SYNE1: variants seen among roughly 807,000 people sequenced by gnomAD.
SYNE1 encodes nesprin-1.
In SYNE1, 616 loss-of-function variants were observed where a neutral mutation model predicts 1,111.0. That is an observed-to-expected ratio of 0.55 (90% CI 0.52 to 0.59). The LOEUF (loss-of-function observed/expected upper bound fraction) is 0.59. Among genes scored for constraint, SYNE1 ranks in the 20% least tolerant of loss-of-function variants. The pLI is 0.00. For missense variants in SYNE1, 10,006 were observed against 10,417.0 expected (o/e 0.96, Z 1.72); for synonymous variants, 3,855 against 3,825.8 (o/e 1.01, Z -0.28).
rs764356256 is a variant in SYNE1 at position 152,451,190 on chromosome 6, C to A, written c.3043G>T (p.Ala1015Ser). The A allele has an allele frequency of 6.2e-7, 1 of 1,613,908 alleles. No individual in the cohort carries two copies. Among genetic ancestry groups the A allele is most frequent in the East Asian group, 2.2e-5 (1 of 44,860 alleles). ...TTCAGATGAAGCAAATGATAAGGGG[C>A]TTCTCCTTGAAGATCCTACATTCCA... ...HKQWKDLQGE[A>S]PYHLLHLKID... Residue 1015 changes from alanine (A) to serine (S), a missense_variant, in exon 26 of 146, where the codon GCC becomes TCC. Coordinates refer to ENST00000367255, the MANE Select transcript of SYNE1 (RefSeq NM_182961.4).
chr6:152,421,718 T>TA (rs1371915143), intron 39 of SYNE1, among the ~76,000 whole-genome samples: 1 of 148,282 alleles, frequency 6.7e-6, no homozygotes, highest in Non-Finnish European at 1.5e-5. Context: ...TTTATTTATT[T>TA]TTTGGAGATG....
At chr6:152,448,694 T>C (rs1347072035) in intron 28 of SYNE1, among the ~76,000 whole-genome samples, 1 of 151,998 alleles carries the variant, frequency 6.6e-6, no homozygotes, top group Non-Finnish European at 1.5e-5. Context: ...ATACAAACAT[T>C]AGCCAGGCAT....
chr6:152,268,283 T>C, intron 99 of SYNE1, 118 bp from the exon 100 acceptor site: 1 of 771,846 alleles, frequency 1.3e-6, no homozygotes, highest in East Asian at 2.6e-5. Context: ...TAAGTTTGCA[T>C]ATTGCATAAA....
chr6:152,442,751 T>C (rs1279936003), intron 30 of SYNE1, among the ~76,000 whole-genome samples: 1 of 152,108 alleles, frequency 6.6e-6, no homozygotes, highest in African/African-American at 2.4e-5. Flanking sequence ...CTTGGAACAG[T>C]CTGGGCAACA....
intron 70 of SYNE1, among the ~76,000 whole-genome samples, chr6:152,351,399 A>G (rs1453227844): frequency 6.6e-6 from 1 of 152,226 alleles, no homozygotes; most frequent in East Asian, 1.9e-4. Flanking sequence ...TAATCCTTAA[A>G]AGGTATCACT....
In SYNE1 at chr6:152,605,194, T is replaced by C. The variant is rs369602481; in HGVS notation, c.67+23071A>G. 3.3e-5 allele frequency among the ~76,000 whole-genome samples: 5 copies of C among 152,070 alleles called. No individual in the cohort carries two copies. In the East Asian group the frequency reaches 9.7e-4, roughly 29 times the overall value. ...AGAATTCTAAAAAATAACAACTATA[T>C]TTTATAAAGAATATCTCTGCTTAAA... On this transcript the variant is annotated intron_variant, in intron 3 of 145. Transcript: ENST00000367255.
intron 72 of SYNE1, among the ~76,000 whole-genome samples, chr6:152,349,739 G>C (rs1324770975): frequency 1.3e-5 from 2 of 152,194 alleles, no homozygotes; most frequent in Non-Finnish European, 2.9e-5. Context: ...ACGTGTTGTA[G>C]AAGGGACCTG....
Position 152,319,032 on chromosome 6 carries a change from G to C in SYNE1, c.16237-17C>G. The C allele has an allele frequency of 6.2e-7, 1 of 1,613,692 alleles. No homozygotes were observed. The highest frequency in any genetic ancestry group is 8.5e-7 in the Non-Finnish European group (1 of 1,179,890). ...GTCTTGGATCTAAAAAAATCAGTAA[G>C]AACAGCAAAACAAGCCATGGTTAAA... On this transcript the variant is annotated splice_polypyrimidine_tract_variant and intron_variant, in intron 84 of 145. Transcript: ENST00000367255.
At chr6:152,203,764 C>T (rs1388143169) in intron 126 of SYNE1, among the ~76,000 whole-genome samples, 1 of 152,104 alleles carries the variant, frequency 6.6e-6, no homozygotes, top group Non-Finnish European at 1.5e-5. Flanking sequence ...GCACAAGTCT[C>T]ATTTCTCTTT....
chr6:152,131,756 C>T (rs1376572995), intron 144 of SYNE1, among the ~76,000 whole-genome samples: 1 of 152,248 alleles, frequency 6.6e-6, no homozygotes, highest in South Asian at 2.1e-4. Context: ...CCAGCCGAGG[C>T]GCCCCGCAAG....
rs569893490 is a variant in SYNE1 at position 152,407,755 on chromosome 6, G to T, written c.6541-559C>A. Among the ~76,000 whole-genome samples, 826 of 142,212 alleles carry T rather than the reference G, an allele frequency of 5.8e-3. 4 individuals carry two copies. Among genetic ancestry groups the T allele is most frequent in the Middle Eastern group, 0.011 (3 of 272 alleles). 93.3% of individuals were successfully genotyped at this position (142,212 alleles called of 152,430 possible). On this transcript the variant is annotated intron_variant, in intron 44 of 145. Transcript: ENST00000367255. ...AAATAGCATGTTAAAAAAAATAAAA[G>T]AATGTTCTTTTTTTTTTTTTTTTTG...
chr6:152,422,300 G>C (rs889846257), intron 39 of SYNE1, among the ~76,000 whole-genome samples: 21 of 152,048 alleles, frequency 1.4e-4, no homozygotes, highest in African/African-American at 4.8e-4. Flanking sequence ...AGATCTGTTT[G>C]CCTGCATCAT....
intron 24 of SYNE1, 125 bp downstream of exon 24, chr6:152,455,301 C>T (rs895478684): frequency 3.6e-5 from 37 of 1,042,010 alleles, no homozygotes; most frequent in African/African-American, 3.0e-4. Context: ...CCTAAAAAGT[C>T]TCTGCTTCCC....
At chr6:152,557,748 G>A (rs1004140432) in intron 3 of SYNE1, among the ~76,000 whole-genome samples, 1 of 152,028 alleles carries the variant, frequency 6.6e-6, no homozygotes, top group Non-Finnish European at 1.5e-5. Context: ...GAGTGATAAA[G>A]ACCTTCCTAG....
rs2033759505 is a variant in SYNE1 at position 152,353,295 on chromosome 6, C to T, written c.11221G>A (p.Val3741Ile). The T allele has an allele frequency of 1.2e-6, 2 of 1,614,036 alleles. No homozygotes were observed. Among genetic ancestry groups the T allele is most frequent in the African/African-American group, 1.3e-5 (1 of 74,926 alleles). ...GTCTTCAATTTCTTCCCCATCATTA[C>T]TGTATCTACTTTGTCAATCTTGGTA... Reference protein sequence around the residue: ...VATKIDKVDTVMMGKKLKTLE... With the variant: ...VATKIDKVDTIMMGKKLKTLE... Residue 3741 changes from valine to isoleucine, a missense_variant, in exon 69 of 146, where the codon GTA becomes ATA. Physicochemically the swap from Val to Ile is conservative, Grantham distance 29. Around this residue, in one of 7 missense-constraint regions of SYNE1, gnomAD observed 4,955 missense variants for 5,017.2 expected, o/e 0.99. Transcript: ENST00000367255.
At position 152,526,061 on chromosome 6, in the gene SYNE1, C is replaced by A; in HGVS notation, c.225+19G>T. On this transcript the variant is annotated intron_variant, in intron 5 of 145. Coordinates refer to ENST00000367255, the MANE Select transcript of SYNE1 (RefSeq NM_182961.4). ...ATGGAAACAATTTGACAAGTATGAT[C>A]ACACAAAAAAATTCTTACCAGTTTC... is the stretch of plus-strand genomic sequence containing the variant. The A allele has an allele frequency of 6.2e-7, 1 of 1,609,660 alleles. No individual in the cohort carries two copies. Among genetic ancestry groups the A allele is most frequent in the Non-Finnish European group, 8.5e-7 (1 of 1,176,166 alleles).
At chr6:152,403,757 A>G (rs2097853908) in intron 46 of SYNE1, among the ~76,000 whole-genome samples, 1 of 152,020 alleles carries the variant, frequency 6.6e-6, no homozygotes. Context: ...AAAAACACCA[A>G]AAAAAGAGGG....
chr6:152,227,790 T>C (rs1270476990), intron 115 of SYNE1, among the ~76,000 whole-genome samples: 1 of 152,102 alleles, frequency 6.6e-6, no homozygotes, highest in African/African-American at 2.4e-5. Context: ...TAAAATGCCC[T>C]GCACACGTAT....
At position 152,297,818 on chromosome 6, in the gene SYNE1, TGTGTGCGC is replaced by T. The variant is rs755475741; in HGVS notation, c.17682+2815_17682+2822del. Among the ~76,000 whole-genome samples the T allele has an allele frequency of 6.2e-3, 502 of 81,582 alleles. 4 individuals carry two copies. The highest frequency in any genetic ancestry group is 0.03 in the African/African-American group (404 of 13,554). The allele number at this position is 81,582 out of a possible 152,430, so 53.5% of individuals were successfully genotyped here. On this transcript the variant is annotated intron_variant, in intron 93 of 145. Transcript: ENST00000367255. The stretch of plus-strand genomic sequence containing the variant: ...GTGTGTGTGTGTGTGTGTGTGTGTG[TGTGTGCGC>T]GCGCACGTGGCTCATGCCTACAGAT...
Sources: gnomAD v4.1 joint callset for allele counts (sites outside exome capture counted in the v4.1 genomes callset) on GRCh38, gnomAD v4.1.1 for gene constraint, gnomAD v4.1.1 regional missense constraint, MANE v1.5 for transcripts, NCBI Gene and HGNC (gene_info 2026-07-23, HGNC 2026-07-21) for gene names.